Variants in KLF12 observed in about 807,000 individuals in gnomAD.
KLF12 encodes the protein Krueppel-like factor 12.
Under a neutral mutation model 37.8 loss-of-function variants are expected in KLF12, and 9 were observed. The observed-to-expected ratio is 0.24, with a 90% CI of 0.14 to 0.42. The LOEUF is 0.42. Ranked by LOEUF, KLF12 falls within the 10% of genes least tolerant of loss-of-function variation. The pLI is 1.00. For missense variants in KLF12, 411 were observed against 516.0 expected, an observed-to-expected ratio of 0.80 and a Z score of 1.97; for synonymous variants, 208 against 202.1, an observed-to-expected ratio of 1.03 and a Z score of -0.25.
At chr13:73,943,940 T>G (rs745873345) in intron 3 of KLF12, 41 bp downstream of exon 3, 2 of 1,204,354 alleles carry the variant, frequency 1.7e-6, no homozygotes, top group South Asian at 2.4e-5. Context: ...AATGCCACTC[T>G]CATCAAAAGG....
rs539455430 is a variant in KLF12 at position 74,067,773 on chromosome 13, C to T, written c.-32+65966G>A. On this transcript the variant is annotated intron_variant, in intron 1 of 7. Transcript: ENST00000377669. The stretch of plus-strand genomic sequence containing the variant: ...AGAGAAACAGATATATAAGCATGCA[C>T]ACTTCCAGGAGACAGGTGCTCAAAA... Among the ~76,000 whole-genome samples the T allele has an allele frequency of 7.2e-5, 11 of 152,280 alleles. No individual in the cohort carries two copies. The South Asian group carries it at 2.3e-3, about 32-fold the overall frequency.
chr13:73,797,088 T>C (rs1286052810), intron 5 of KLF12, among the ~76,000 whole-genome samples: 1 of 152,130 alleles, frequency 6.6e-6, no homozygotes, highest in Non-Finnish European at 1.5e-5. Flanking sequence ...TACATGAGAG[T>C]ATACAATTGT....
intron 3 of KLF12, among the ~76,000 whole-genome samples, chr13:73,867,864 T>C (rs571176495): frequency 2.0e-5 from 3 of 150,808 alleles, no homozygotes; most frequent in Admixed American, 6.6e-5. Flanking sequence ...CTACTAAAAA[T>C]AGAAAAATTA....
At chr13:74,132,023 TA>T (rs1168633492) in intron 1 of KLF12, among the ~76,000 whole-genome samples, 1 of 152,166 alleles carries the variant, frequency 6.6e-6, no homozygotes, top group Admixed American at 6.5e-5. Context: ...TTTTCTAACC[TA>T]AAAGTATACT....
chr13:74,241,525 G>A, the KLF12 span, among the ~76,000 whole-genome samples: 23 of 152,318 alleles, frequency 1.5e-4, no homozygotes, highest in South Asian at 8.3e-4. Context: ...GGGCAATGGC[G>A]GGCGCCCCTC....
At chr13:73,798,937 T>C (rs1025723054) in intron 5 of KLF12, among the ~76,000 whole-genome samples, 3 of 152,166 alleles carry the variant, frequency 2.0e-5, no homozygotes, top group East Asian at 3.8e-4. Flanking sequence ...ATATAAATCA[T>C]TCTACCATAA....
intron 1 of KLF12, among the ~76,000 whole-genome samples, chr13:74,125,515 G>A (rs928431468): frequency 6.6e-6 from 1 of 152,060 alleles, no homozygotes; most frequent in Non-Finnish European, 1.5e-5. Flanking sequence ...GGATAACTGA[G>A]GCATGTTCTA....
intron 1 of KLF12, among the ~76,000 whole-genome samples, chr13:73,998,290 T>A (rs1339746438): frequency 6.6e-6 from 1 of 152,200 alleles, no homozygotes; most frequent in African/African-American, 2.4e-5. Flanking sequence ...TAAAGGTTAG[T>A]GTTTAATACA....
chr13:74,226,488 A>G, the KLF12 span, among the ~76,000 whole-genome samples: 1 of 152,174 alleles, frequency 6.6e-6, no homozygotes, highest in Non-Finnish European at 1.5e-5. Flanking sequence ...GGGCATGCCC[A>G]TTAGGCGGTA....
chr13:74,156,339 G>A, the KLF12 span, among the ~76,000 whole-genome samples: 1 of 152,120 alleles, frequency 6.6e-6, no homozygotes, highest in Non-Finnish European at 1.5e-5. Flanking sequence ...CCTTTGGGAT[G>A]AAGGAACCTG....
intron 6 of KLF12, among the ~76,000 whole-genome samples, chr13:73,720,759 G>A (rs1330474037): frequency 2.6e-5 from 4 of 152,148 alleles, no homozygotes; most frequent in Non-Finnish European, 5.9e-5. Context: ...AATGGAAGGC[G>A]CCACATGGCT....
At chr13:74,061,750 C>A (rs1422158048) in intron 1 of KLF12, among the ~76,000 whole-genome samples, 2 of 152,156 alleles carry the variant, frequency 1.3e-5, no homozygotes, top group Non-Finnish European at 2.9e-5. Flanking sequence ...AAGGAAGCAT[C>A]CTCCTAAATA....
At chr13:74,246,753 T>A in the KLF12 span, among the ~76,000 whole-genome samples, 26 of 152,228 alleles carry the variant, frequency 1.7e-4, no homozygotes, top group African/African-American at 5.5e-4. Flanking sequence ...CTCTGCACAC[T>A]TATGCACGTG....
At chr13:74,052,746 A>G (rs1362789774) in intron 1 of KLF12, among the ~76,000 whole-genome samples, 1 of 152,198 alleles carries the variant, frequency 6.6e-6, no homozygotes, top group Non-Finnish European at 1.5e-5. Flanking sequence ...ACAAAAGGAC[A>G]TCCTTACTGG....
the KLF12 span, among the ~76,000 whole-genome samples, chr13:74,197,204 T>C: frequency 6.6e-6 from 1 of 152,222 alleles, no homozygotes; most frequent in South Asian, 2.1e-4. Context: ...AAATAATTGA[T>C]AAGAAAACAT....
At chr13:73,837,700 C>T (rs796268053) in intron 4 of KLF12, among the ~76,000 whole-genome samples, 8 of 152,114 alleles carry the variant, frequency 5.3e-5, no homozygotes, top group Non-Finnish European at 1.0e-4. Flanking sequence ...ATATTCCAGT[C>T]CCATTTCCCA....
chr13:74,087,199 G>A (rs528042900), intron 1 of KLF12, among the ~76,000 whole-genome samples: 2 of 152,164 alleles, frequency 1.3e-5, no homozygotes, highest in Non-Finnish European at 2.9e-5. Flanking sequence ...TAGAAAGCAT[G>A]GCCCAAGAAG....
chr13:74,171,546 C>T, the KLF12 span, among the ~76,000 whole-genome samples: 1 of 152,162 alleles, frequency 6.6e-6, no homozygotes, highest in Non-Finnish European at 1.5e-5. Context: ...GCAGCTGCCA[C>T]CCGGTTCTCC....
upstream of KLF12, among the ~76,000 whole-genome samples, chr13:74,137,594 C>A (rs1022101154): frequency 6.6e-6 from 1 of 152,128 alleles, no homozygotes; most frequent in Non-Finnish European, 1.5e-5. Context: ...GATAAAATAT[C>A]TAATTCAAAC....
Sources: gnomAD v4.1 joint callset for allele counts (sites outside exome capture counted in the v4.1 genomes callset) on GRCh38, gnomAD v4.1.1 for gene constraint, MANE v1.5 for transcripts, NCBI Gene and HGNC (gene_info 2026-07-23, HGNC 2026-07-21) for gene names.